Variants in DOCK3 observed in about 807,000 individuals in gnomAD.
DOCK3 encodes the protein dedicator of cytokinesis 3.
A neutral mutation model predicts 265.6 loss-of-function variants in DOCK3; 60 were observed. The ratio of observed to expected loss-of-function variants is 0.23; its 90% confidence interval spans 0.18 to 0.28. The LOEUF (loss-of-function observed/expected upper bound fraction) is 0.28, where lower values mean the gene tolerates loss of function less well. DOCK3 is among the 10% of genes least tolerant of loss of function. The probability of loss-of-function intolerance (pLI) is 1.00; values close to 1 mark genes in which losing one functional copy is unlikely to be tolerated. For missense variants in DOCK3, 1,981 were observed against 2,594.3 expected (o/e 0.76, Z 5.14); for synonymous variants, 881 against 938.0 (o/e 0.94, Z 1.11).
intron 5 of DOCK3, among the ~76,000 whole-genome samples, chr3:51,050,039 G>T (rs186625909): frequency 1.3e-5 from 2 of 152,242 alleles, no homozygotes; most frequent in Admixed American, 1.3e-4. Flanking sequence ...AAAAAATACA[G>T]CTTTGATGAC....
chr3:51,355,038 T>A lies in DOCK3; in HGVS notation c.4249+15T>A, dbSNP rs778602490. 1.2e-6 allele frequency: 2 copies of A among 1,611,524 alleles called. No individual in the cohort carries two copies. The highest frequency in any genetic ancestry group is 1.7e-6 in the Non-Finnish European group (2 of 1,178,432). On this transcript the variant is annotated intron_variant, in intron 41 of 52. Transcript: ENST00000266037. Reference sequence around the variant, plus strand: ...CGATGCCCAGTGTATCCTTTGATACTGGGTGGGAGGAGGAGGGCAGGGGCC... The same window carrying A: ...CGATGCCCAGTGTATCCTTTGATACAGGGTGGGAGGAGGAGGGCAGGGGCC...
At chr3:50,980,505 G>A (rs1301104840) in intron 5 of DOCK3, among the ~76,000 whole-genome samples, 1 of 152,204 alleles carries the variant, frequency 6.6e-6, no homozygotes, top group African/African-American at 2.4e-5. Flanking sequence ...CCCTGCTTCA[G>A]TTTTTTGAAA....
intron 9 of DOCK3, among the ~76,000 whole-genome samples, chr3:51,128,635 G>A (rs2084373954): frequency 6.6e-6 from 1 of 152,212 alleles, no homozygotes; most frequent in Non-Finnish European, 1.5e-5. Context: ...TTCCAGTGAG[G>A]ATGAACCTCT....
rs780835108 is a variant in DOCK3, at chr3:51,163,589, C to A, written c.1037+2887C>A. On this transcript the variant is annotated intron_variant, in intron 12 of 52. Transcript: ENST00000266037. ...GGCACAGGGCATGCTGTACTTAGAA[C>A]CCAAAAGGAGAGGAGTGCCAGGAGC... Among the ~76,000 whole-genome samples, 228 of 152,066 alleles carry A rather than the reference C, an allele frequency of 1.5e-3. 2 individuals carry two copies. Among genetic ancestry groups the A allele is most frequent in the Non-Finnish European group, 1.0e-3 (69 of 67,994 alleles).
chr3:50,741,787 C>T (rs1418548397), intron 1 of DOCK3, among the ~76,000 whole-genome samples: 32 of 151,988 alleles, frequency 2.1e-4, no homozygotes, highest in Admixed American at 2.1e-3. Flanking sequence ...TGGGTATATA[C>T]CCAGTAATGG....
chr3:50,914,928 T>A (rs1397923917), intron 4 of DOCK3, among the ~76,000 whole-genome samples: 1 of 152,056 alleles, frequency 6.6e-6, no homozygotes, highest in Non-Finnish European at 1.5e-5. Context: ...AGGTGGATGT[T>A]ATTGAAGTGG....
At chr3:50,905,979 T>C (rs1462622245) in intron 4 of DOCK3, among the ~76,000 whole-genome samples, 4 of 152,098 alleles carry the variant, frequency 2.6e-5, no homozygotes, top group Admixed American at 6.5e-5. Flanking sequence ...TGAAGGGCTG[T>C]TGAATTTTGT....
chr3:51,105,170 GAA>G (rs2083236197), intron 9 of DOCK3, among the ~76,000 whole-genome samples: 1 of 152,148 alleles, frequency 6.6e-6, no homozygotes, highest in African/African-American at 2.4e-5. Flanking sequence ...AGAGATGAGG[GAA>G]AAGAGTGTTC....
At chr3:50,691,212 A>G (rs933812544) in intron 1 of DOCK3, among the ~76,000 whole-genome samples, 11 of 149,742 alleles carry the variant, frequency 7.3e-5, no homozygotes, top group African/African-American at 2.7e-4. Flanking sequence ...TGAAACCAGG[A>G]GGCGGAGCTT....
intron 5 of DOCK3, among the ~76,000 whole-genome samples, chr3:50,945,382 T>C (rs1366206311): frequency 6.6e-6 from 1 of 152,180 alleles, no homozygotes; most frequent in Admixed American, 6.5e-5. Context: ...TATAATACTT[T>C]AGTATTTTCA....
intron 20 of DOCK3, among the ~76,000 whole-genome samples, chr3:51,237,146 G>A (rs35815149): frequency 0.018 from 2,685 of 152,002 alleles, 42 homozygotes; most frequent in Non-Finnish European, 0.026. Context: ...TCTTTTCCAC[G>A]TTTTTGGGAA....
intron 5 of DOCK3, among the ~76,000 whole-genome samples, chr3:50,951,200 C>T (rs201781605): frequency 6.6e-6 from 1 of 152,132 alleles, no homozygotes; most frequent in African/African-American, 2.4e-5. Flanking sequence ...TGGTGAGTCT[C>T]ACACCTAGGA....
At chr3:50,962,170 A>G (rs923728523) in intron 5 of DOCK3, among the ~76,000 whole-genome samples, 10 of 152,038 alleles carry the variant, frequency 6.6e-5, no homozygotes, top group African/African-American at 2.4e-4. Context: ...ACCCCACAAC[A>G]GGCCCTGGTG....
chr3:50,854,027 C>G (rs2046461375), intron 3 of DOCK3, among the ~76,000 whole-genome samples: 1 of 152,020 alleles, frequency 6.6e-6, no homozygotes, highest in Non-Finnish European at 1.5e-5. Context: ...GAGGTGGTAT[C>G]TCTTTGTGGT....
chr3:50,728,373 A>G (rs905275074), intron 1 of DOCK3, among the ~76,000 whole-genome samples: 2 of 152,178 alleles, frequency 1.3e-5, no homozygotes, highest in African/African-American at 2.4e-5. Context: ...AAAAACTTAA[A>G]CAATCTAAGC....
intron 1 of DOCK3, among the ~76,000 whole-genome samples, chr3:50,741,135 A>G (rs1212112202): frequency 6.6e-6 from 1 of 151,426 alleles, no homozygotes; most frequent in African/African-American, 2.4e-5. Flanking sequence ...GGATGACTAT[A>G]TATATATATT....
At chr3:51,284,394 CA>C (rs1189635875) in intron 27 of DOCK3, among the ~76,000 whole-genome samples, 1 of 152,176 alleles carries the variant, frequency 6.6e-6, no homozygotes, top group East Asian at 1.9e-4. Flanking sequence ...CCAACTTTTA[CA>C]GTTACCTCCC....
intron 28 of DOCK3, among the ~76,000 whole-genome samples, chr3:51,311,090 A>G (rs1253451808): frequency 6.6e-6 from 1 of 152,254 alleles, no homozygotes; most frequent in East Asian, 1.9e-4. Flanking sequence ...AAAGTTGCAC[A>G]GATACTTCCT....
chr3:51,202,261 A>G (rs1190400711), intron 12 of DOCK3, among the ~76,000 whole-genome samples: 18 of 150,392 alleles, frequency 1.2e-4, no homozygotes, highest in African/African-American at 3.9e-4. Flanking sequence ...CAAAATTGAT[A>G]GACTGCTAGC....
Sources: allele counts gnomAD v4.1 joint callset (sites outside exome capture counted in the v4.1 genomes callset), GRCh38; gene constraint gnomAD v4.1.1; transcripts MANE v1.5; gene names NCBI Gene and HGNC (gene_info 2026-07-23, HGNC 2026-07-21).